Variants in LNX2 observed in about 807,000 individuals in gnomAD.
The protein encoded by LNX2 is ligand of numb-protein X 2, also known as ligand of Numb protein X 2.
In LNX2, 35 loss-of-function variants were observed where a neutral mutation model predicts 66.2. The ratio of observed to expected loss-of-function variants is 0.53; its 90% CI spans 0.40 to 0.70. The LOEUF is 0.70. Among genes scored for constraint, LNX2 ranks in the 30% least tolerant of loss-of-function variants. The pLI, the probability that LNX2 is intolerant of heterozygous loss-of-function variation, is 0.00. For synonymous variants in LNX2, 337 were observed against 315.6 expected (o/e 1.07, Z -0.72); for missense variants, 791 against 850.8 (o/e 0.93, Z 0.87).
intron 1 of LNX2, among the ~76,000 whole-genome samples, chr13:27,616,773 G>A (rs575148303): frequency 7.0e-4 from 106 of 152,208 alleles, no homozygotes; most frequent in African/African-American, 2.2e-3. Flanking sequence ...TTTTTGAGAT[G>A]GAGTCTAGCT....
Position 27,620,498 on chromosome 13 carries a change from G to GCCA in LNX2, c.-225_-224insTGG. On this transcript the variant is annotated 5_prime_UTR_variant, in exon 1 of 10. Coordinates refer to ENST00000316334, the MANE Select transcript of LNX2 (RefSeq NM_153371.4). ...GCCCGGCTCCGCTCCGCCAGGAATC[G>GCCA]CCGCCGCCGCCGCCGCCGCCGCGGA... 6.0e-6 allele frequency: 1 copy of GCCA among 165,414 alleles called. No individual in the cohort carries two copies. The highest frequency in any genetic ancestry group is 1.2e-5 in the Non-Finnish European group (1 of 81,830). The allele number at this position is 165,414 out of a possible 1,614,324, so 10.2% of individuals were successfully genotyped here.
At chr13:27,560,451 C>T (rs1253362225) in intron 5 of LNX2, among the ~76,000 whole-genome samples, 1 of 151,732 alleles carries the variant, frequency 6.6e-6, no homozygotes, top group Admixed American at 6.6e-5. Context: ...TGAAATTCTG[C>T]ACAGCTTTGT....
intron 3 of LNX2, among the ~76,000 whole-genome samples, chr13:27,568,352 A>G (rs780475669): frequency 6.6e-6 from 1 of 152,162 alleles, no homozygotes; most frequent in Non-Finnish European, 1.5e-5. Context: ...GAAAAAGAAA[A>G]TCATTTTTAA....
intron 5 of LNX2, among the ~76,000 whole-genome samples, chr13:27,561,474 C>T (rs1054783009): frequency 1.8e-4 from 27 of 152,058 alleles, no homozygotes; most frequent in African/African-American, 6.5e-4. Flanking sequence ...CCTAATGTTG[C>T]CTTTGATTTG....
chr13:27,577,720 A>C (rs1955354572), intron 2 of LNX2, among the ~76,000 whole-genome samples: 1 of 152,156 alleles, frequency 6.6e-6, no homozygotes, highest in South Asian at 2.1e-4. Context: ...TTAAACTGTA[A>C]TTTTTAAGAG....
chr13:27,616,995 G>A (rs975811013), intron 1 of LNX2, among the ~76,000 whole-genome samples: 21 of 152,254 alleles, frequency 1.4e-4, no homozygotes, highest in African/African-American at 4.8e-4. Flanking sequence ...GTGATCGCCC[G>A]CCTCAGCCTC....
At chr13:27,605,203 T>TG (rs1461264072) in intron 1 of LNX2, among the ~76,000 whole-genome samples, 1 of 152,204 alleles carries the variant, frequency 6.6e-6, no homozygotes, top group Non-Finnish European at 1.5e-5. Context: ...ATAAAGAATG[T>TG]AACTATTCCT....
chr13:27,567,561 A>G (rs35007323), intron 4 of LNX2, 79 bp downstream of exon 4: 147,615 of 1,232,796 alleles, frequency 0.12, 10,227 homozygotes, highest in Non-Finnish European at 0.14. Flanking sequence ...TAGGTTCCAA[A>G]ACAGCACAAT....
intron 1 of LNX2, among the ~76,000 whole-genome samples, chr13:27,587,314 C>T (rs2138415677): frequency 1.3e-5 from 2 of 152,228 alleles, no homozygotes; most frequent in South Asian, 4.1e-4. Flanking sequence ...GCTCCTGCTG[C>T]CCTTTACACA....
intron 1 of LNX2, among the ~76,000 whole-genome samples, chr13:27,618,202 CA>C (rs1395584415): frequency 1.3e-5 from 2 of 152,208 alleles, no homozygotes; most frequent in Non-Finnish European, 1.5e-5. Context: ...TTACCTAGTC[CA>C]GCCTCCTAGT....
At chr13:27,583,697 T>C (rs1017555442) in intron 1 of LNX2, among the ~76,000 whole-genome samples, 4 of 152,186 alleles carry the variant, frequency 2.6e-5, no homozygotes, top group African/African-American at 9.7e-5. Context: ...CAGCTCTGTA[T>C]TTCTTCTTCT....
rs1263274453 is a variant in LNX2, at chr13:27,547,712, T to C, written c.*623A>G. On this transcript the variant is annotated 3_prime_UTR_variant, in exon 10 of 10. Coordinates refer to ENST00000316334, the MANE Select transcript of LNX2 (RefSeq NM_153371.4). ...TCTACTAAAAGTACAAAAAATTAGC[T>C]GGGCATGGTGGCACACGCCTGTAGT... The C allele has an allele frequency of 1.3e-5, 2 of 152,362 alleles. No homozygotes were observed. Among genetic ancestry groups the C allele is most frequent in the African/African-American group, 4.8e-5 (2 of 41,404 alleles). The allele number at this position is 152,362 out of a possible 1,614,324, so 9.4% of individuals were successfully genotyped here.
At chr13:27,585,799 T>C (rs1955478644) in intron 1 of LNX2, among the ~76,000 whole-genome samples, 1 of 151,980 alleles carries the variant, frequency 6.6e-6, no homozygotes, top group Non-Finnish European at 1.5e-5. Context: ...AGAAAAATAC[T>C]ACAATTCTAG....
chr13:27,559,109 T>G (rs17085760), intron 6 of LNX2, among the ~76,000 whole-genome samples: 5,894 of 152,240 alleles, frequency 0.039, 136 homozygotes, highest in East Asian at 0.093. Context: ...AAATGAAGGA[T>G]GAAATGAAGT....
intron 1 of LNX2, among the ~76,000 whole-genome samples, chr13:27,611,450 G>A (rs1156739282): frequency 6.6e-6 from 1 of 152,160 alleles, no homozygotes; most frequent in Non-Finnish European, 1.5e-5. Context: ...GGGGAGAGGA[G>A]GAAATGGGAA....
chr13:27,573,011 GA>G (rs1188424688), intron 2 of LNX2, among the ~76,000 whole-genome samples: 1 of 152,174 alleles, frequency 6.6e-6, no homozygotes. Flanking sequence ...AACACTGGAA[GA>G]AATTGTCAGA....
intron 1 of LNX2, among the ~76,000 whole-genome samples, chr13:27,604,260 A>C (rs1041508482): frequency 6.6e-6 from 1 of 152,232 alleles, no homozygotes; most frequent in Non-Finnish European, 1.5e-5. Flanking sequence ...ATCACAGTAT[A>C]AAATGAACCA....
At position 27,548,224 on chromosome 13, in the gene LNX2, G is replaced by T; in HGVS notation, c.*111C>A. On this transcript the variant is annotated 3_prime_UTR_variant, in exon 10 of 10. Coordinates refer to ENST00000316334, the MANE Select transcript of LNX2 (RefSeq NM_153371.4). ...CAATCTTAGTGGGTTTTGGCCCTGTGTATACCAGCAGTGTCAGCAGCTCCT... is the reference window on the plus strand; with the variant it reads ...CAATCTTAGTGGGTTTTGGCCCTGTTTATACCAGCAGTGTCAGCAGCTCCT... The T allele has an allele frequency of 1.0e-6, 1 of 995,870 alleles. No homozygotes were observed. The allele number at this position is 995,870 out of a possible 1,614,324, so 61.7% of individuals were successfully genotyped here. A position where few individuals can be genotyped will look rare whatever the true frequency, so the allele number is the denominator to read the frequency against.
In LNX2 at chr13:27,548,456, A is replaced by C; in HGVS notation, c.1952T>G (p.Ile651Ser). 3.1e-6 allele frequency: 5 copies of C among 1,613,966 alleles called. No individual in the cohort carries two copies. The highest frequency in any genetic ancestry group is 3.4e-6 in the Non-Finnish European group (4 of 1,179,954). Residue 651 changes from isoleucine (I) to serine (S), a missense_variant, in exon 10 of 10, where the codon ATT (isoleucine) becomes AGT (serine). Ile to Ser is a moderately radical substitution (Grantham distance 142, BLOSUM62 -2). Transcript: ENST00000316334. ...YDGRLKCGDMIVAVNGLSTVG... is the reference protein window; with the variant it reads ...YDGRLKCGDMSVAVNGLSTVG... ...GGTTGACAGCCCATTTACGGCCACA[A>C]TCATGTCACCACACCTGGACAAAGA...
Sources: allele counts gnomAD v4.1 joint callset (sites outside exome capture counted in the v4.1 genomes callset), GRCh38; gene constraint gnomAD v4.1.1; transcripts MANE v1.5; gene names NCBI Gene and HGNC (gene_info 2026-07-23, HGNC 2026-07-21).